The following AFF3 variants were observed in gnomAD, a reference collection of about 807,000 sequenced individuals.
AFF3 encodes the protein ALF transcription elongation factor 3.
A neutral mutation model predicts 129.7 loss-of-function variants in AFF3; 32 were observed. That is an observed-to-expected ratio of 0.25 (90% CI 0.19 to 0.33). AFF3 has a LOEUF of 0.33. Among genes scored for constraint, AFF3 ranks in the 10% least tolerant of loss-of-function variants. The probability of loss-of-function intolerance (pLI) is 1.00; values close to 1 mark genes in which losing one functional copy is unlikely to be tolerated. For missense variants in AFF3, 1,373 were observed against 1,592.0 expected (o/e 0.86, Z 2.34); for synonymous variants, 644 against 635.4 (o/e 1.01, Z -0.20).
chr2:99,659,176 CTGGTGCTGT>C (rs1449632399), intron 12 of AFF3, among the ~76,000 whole-genome samples: 1 of 152,204 alleles, frequency 6.6e-6, no homozygotes, highest in African/African-American at 2.4e-5. Flanking sequence ...GGCAAACCTA[CTGGTGCTGT>C]TGGATGCTGG....
At chr2:99,977,258 G>A (rs1437840295) in intron 7 of AFF3, among the ~76,000 whole-genome samples, 1 of 152,168 alleles carries the variant, frequency 6.6e-6, no homozygotes, top group African/African-American at 2.4e-5. Context: ...AGGACATCTA[G>A]AGAGTCATCT....
intron 13 of AFF3, among the ~76,000 whole-genome samples, chr2:99,633,261 A>G (rs565657148): frequency 6.6e-6 from 1 of 152,126 alleles, no homozygotes; most frequent in Non-Finnish European, 1.5e-5. Flanking sequence ...GACAGGCACA[A>G]GCTGGGGTTT....
At chr2:100,134,152 A>G (rs1692540657) in intron 1 of AFF3, among the ~76,000 whole-genome samples, 1 of 152,196 alleles carries the variant, frequency 6.6e-6, no homozygotes, top group Non-Finnish European at 1.5e-5. Flanking sequence ...ACATACACCC[A>G]TCAGGAGAAA....
intron 7 of AFF3, among the ~76,000 whole-genome samples, chr2:99,924,472 C>T (rs17436893): frequency 0.06 from 9,134 of 152,254 alleles, 391 homozygotes; most frequent in Non-Finnish European, 0.095. Context: ...GTAGTAGGCT[C>T]TAAGTTCCTC....
intron 7 of AFF3, among the ~76,000 whole-genome samples, chr2:99,975,868 G>GA (rs5832890): frequency 0.27 from 19,970 of 74,422 alleles, 1,809 homozygotes; most frequent in East Asian, 0.57. Context: ...AGATTAAAAT[G>GA]AAAAAAAAAA....
Position 99,594,013 on chromosome 2 carries a change from G to T in AFF3, c.1648C>A (p.Pro550Thr). The change falls in exon 15 of 25, where the codon CCG (proline) becomes ACG (threonine). Residue 550 changes from proline to threonine, a missense_variant. Coordinates refer to ENST00000672756, the MANE Select transcript of AFF3 (RefSeq NM_001386135.1). Reference sequence around the variant, plus strand: ...ACCGCCACGGCCACGGCCGCGGGCGGGGACTTCTGCTTCACGCCTTTACTC... The same window carrying T: ...ACCGCCACGGCCACGGCCGCGGGCGTGGACTTCTGCTTCACGCCTTTACTC... ...PGSKGVKQKSPPAAVAVAVSA... is the reference protein window; with the variant it reads ...PGSKGVKQKSTPAAVAVAVSA... The T allele has an allele frequency of 6.3e-7, 1 of 1,576,836 alleles. No individual in the cohort carries two copies. The highest frequency in any genetic ancestry group is 8.6e-7 in the Non-Finnish European group (1 of 1,160,628).
chr2:99,736,732 C>A (rs189565142), intron 10 of AFF3, among the ~76,000 whole-genome samples: 1 of 151,438 alleles, frequency 6.6e-6, no homozygotes, highest in East Asian at 1.9e-4. Flanking sequence ...GCCTCAGCCT[C>A]CTGAGTAGCT....
rs1674156453 is a variant in AFF3 at position 99,677,970 on chromosome 2, T to C, written c.1092-5381A>G. Among the ~76,000 whole-genome samples the C allele has an allele frequency of 4.6e-5, 7 of 152,264 alleles. No individual in the cohort carries two copies. In the South Asian group the frequency reaches 1.2e-3, roughly 27 times the overall value. On this transcript the variant is annotated intron_variant, in intron 11 of 24. Coordinates refer to ENST00000672756, the MANE Select transcript of AFF3 (RefSeq NM_001386135.1). ...TGTATCTGGGACTACAGACGCCGGC[T>C]ACCACGCCTGGCCAAACCCCCAACT...
intron 8 of AFF3, among the ~76,000 whole-genome samples, chr2:99,772,141 A>C (rs1305174546): frequency 1.3e-5 from 2 of 152,158 alleles, no homozygotes; most frequent in Non-Finnish European, 2.9e-5. Flanking sequence ...GAGAAGAGGA[A>C]GAATAAACAA....
intron 7 of AFF3, among the ~76,000 whole-genome samples, chr2:99,861,004 C>G (rs1184302399): frequency 2.0e-5 from 3 of 152,158 alleles, no homozygotes; most frequent in Non-Finnish European, 4.4e-5. Context: ...CATCTTATAA[C>G]TGAAAGTTTG....
chr2:99,568,418 T>C (rs577885789), intron 19 of AFF3, among the ~76,000 whole-genome samples: 6 of 152,352 alleles, frequency 3.9e-5, no homozygotes, highest in Admixed American at 3.9e-4. Flanking sequence ...TTCTGTGTTG[T>C]ACAGTTTCAG....
At chr2:99,567,079 T>C (rs1233665941) in intron 19 of AFF3, among the ~76,000 whole-genome samples, 2 of 151,622 alleles carry the variant, frequency 1.3e-5, no homozygotes, top group Non-Finnish European at 2.9e-5. Context: ...GCGAGTCTTC[T>C]GTCTCAGCCT....
chr2:100,003,889 A>T (rs1466953615), intron 7 of AFF3, among the ~76,000 whole-genome samples: 1 of 152,162 alleles, frequency 6.6e-6, no homozygotes, highest in Non-Finnish European at 1.5e-5. Flanking sequence ...TGGACTGTAA[A>T]TGAGAGAAAC....
intron 11 of AFF3, among the ~76,000 whole-genome samples, chr2:99,716,999 A>G (rs1678462983): frequency 1.3e-5 from 2 of 152,148 alleles, no homozygotes; most frequent in Non-Finnish European, 2.9e-5. Flanking sequence ...ATTTTACAGT[A>G]TACACTCTTA....
chr2:99,993,124 T>G (rs1409981612), intron 7 of AFF3, among the ~76,000 whole-genome samples: 2 of 152,238 alleles, frequency 1.3e-5, no homozygotes, highest in South Asian at 4.1e-4. Context: ...AGAGCAGAAC[T>G]AGCACACTGC....
At chr2:100,055,632 A>G (rs191038649) in intron 4 of AFF3, among the ~76,000 whole-genome samples, 2 of 152,300 alleles carry the variant, frequency 1.3e-5, no homozygotes. Flanking sequence ...TGTCTAGGCC[A>G]GAGATCAGCA....
At chr2:100,105,668 T>C in intron 2 of AFF3, 85 bp from the exon 3 acceptor site, 5 of 1,347,630 alleles carry the variant, frequency 3.7e-6, no homozygotes, top group Non-Finnish European at 4.9e-6. Context: ...TCCCCCTGGC[T>C]TACTTTTTTA....
intron 2 of AFF3, among the ~76,000 whole-genome samples, chr2:100,124,948 T>C (rs905094799): frequency 1.3e-5 from 2 of 152,100 alleles, no homozygotes; most frequent in Non-Finnish European, 2.9e-5. Context: ...TTAAGACATA[T>C]TAAAAAGAAC....
chr2:100,008,993 G>C, intron 4 of AFF3, 61 bp from the exon 5 acceptor site: 1 of 1,584,546 alleles, frequency 6.3e-7, no homozygotes, highest in South Asian at 1.2e-5. Context: ...AAAGCCCAAT[G>C]TAACACTTGT....
Sources: gnomAD v4.1 joint callset for allele counts (sites outside exome capture counted in the v4.1 genomes callset) on GRCh38, gnomAD v4.1.1 for gene constraint, MANE v1.5 for transcripts, NCBI Gene and HGNC (gene_info 2026-07-23, HGNC 2026-07-21) for gene names.